Variants in PACRG observed in about 807,000 individuals in gnomAD.
PACRG encodes the protein parkin coregulated gene protein.
In PACRG, 29 loss-of-function variants were observed where a neutral mutation model predicts 29.7. That is an observed-to-expected ratio of 0.98 (90% CI 0.73 to 1.33). The LOEUF (loss-of-function observed/expected upper bound fraction) is 1.33, where lower values mean the gene tolerates loss of function less well. PACRG is among the 40% of genes most tolerant of loss of function. PACRG has a pLI of 0.00. For missense variants in PACRG, 279 were observed against 316.2 expected, an observed-to-expected ratio of 0.88 and a Z score of 0.89; for synonymous variants, 116 against 118.7, an observed-to-expected ratio of 0.98 and a Z score of 0.15.
chr6:162,801,403 C>G (rs1785855953), intron 1 of PACRG, among the ~76,000 whole-genome samples: 1 of 152,070 alleles, frequency 6.6e-6, no homozygotes, highest in Non-Finnish European at 1.5e-5. Context: ...GCCACCATGC[C>G]TGGCTAATTT....
intron 4 of PACRG, among the ~76,000 whole-genome samples, chr6:163,123,392 G>T (rs974092669): frequency 6.6e-6 from 1 of 152,222 alleles, no homozygotes; most frequent in African/African-American, 2.4e-5. Flanking sequence ...AATGTTGCCA[G>T]CCTGGTTTTT....
intron 2 of PACRG, among the ~76,000 whole-genome samples, chr6:162,949,743 T>C (rs1038929444): frequency 3.5e-4 from 54 of 152,332 alleles, no homozygotes; most frequent in African/African-American, 1.3e-3. Context: ...TTGGAGGCTG[T>C]GATTTAAGTT....
intron 1 of PACRG, among the ~76,000 whole-genome samples, chr6:162,792,714 G>A (rs1785057360): frequency 6.6e-6 from 1 of 152,174 alleles, no homozygotes; most frequent in Non-Finnish European, 1.5e-5. Context: ...TTCTGTTAGA[G>A]CAAGAAGAGG....
chr6:162,727,746 G>C (rs765761156), upstream of PACRG: 4 of 1,445,302 alleles, frequency 2.8e-6, no homozygotes, highest in African/African-American at 2.8e-5. Flanking sequence ...TCCCACCAGC[G>C]GCTCTCCTGG....
At chr6:162,880,564 A>G (rs1246468238) in intron 2 of PACRG, among the ~76,000 whole-genome samples, 2 of 152,346 alleles carry the variant, frequency 1.3e-5, no homozygotes, top group East Asian at 3.9e-4. Context: ...ATTTGTGAAC[A>G]AAAATAGAAA....
In PACRG at chr6:163,062,323, T is replaced by A; in HGVS notation, c.463+2T>A. 1 of 1,606,552 alleles carries A rather than the reference T, an allele frequency of 6.2e-7. No individual in the cohort carries two copies. The highest frequency in any genetic ancestry group is 8.5e-7 in the Non-Finnish European group (1 of 1,177,362). ...CACAGCTCATTATCCCGATAAAAAG[T>A]AAGTGAACCGGTGAAAAAGCATCAC... On this transcript the variant is annotated splice_donor_variant, in intron 3 of 4. Transcript: ENST00000366888. LOFTEE classifies it high-confidence loss of function.
intron 4 of PACRG, among the ~76,000 whole-genome samples, chr6:163,218,621 C>T (rs993597693): frequency 6.6e-6 from 1 of 152,140 alleles, no homozygotes; most frequent in Non-Finnish European, 1.5e-5. Flanking sequence ...TGTTCTTTGT[C>T]CTCCTCTTAC....
At chr6:162,730,436 C>G (rs1199579126) in intron 1 of PACRG, among the ~76,000 whole-genome samples, 2 of 152,134 alleles carry the variant, frequency 1.3e-5, no homozygotes, top group Non-Finnish European at 2.9e-5. Flanking sequence ...CTCCAAACCA[C>G]TTTTCCAGTT....
intron 4 of PACRG, among the ~76,000 whole-genome samples, chr6:163,177,710 A>AGTTTTTTTTTTTT (rs1779440417): frequency 1.9e-5 from 1 of 53,744 alleles, no homozygotes; most frequent in Non-Finnish European, 3.1e-5. Context: ...TAGAAAAGGG[A>AGTTTTTTTTTTTT]TTTTTTTTTT....
intron 4 of PACRG, among the ~76,000 whole-genome samples, chr6:163,157,711 T>C (rs1321705778): frequency 1.3e-5 from 2 of 152,176 alleles, no homozygotes; most frequent in African/African-American, 4.8e-5. Flanking sequence ...AATGTTTCAC[T>C]TTACTACACC....
intron 4 of PACRG, among the ~76,000 whole-genome samples, chr6:163,097,236 T>C (rs59566638): frequency 0.043 from 6,476 of 152,278 alleles, 412 homozygotes; most frequent in African/African-American, 0.13. Context: ...CCAAGTTTCC[T>C]CTGGACATCC....
intron 2 of PACRG, among the ~76,000 whole-genome samples, chr6:162,937,879 A>G (rs1468428312): frequency 6.6e-6 from 1 of 151,240 alleles, no homozygotes; most frequent in African/African-American, 2.4e-5. Flanking sequence ...TTTGGGGTTT[A>G]TTTGCAGTCA....
chr6:163,116,220 C>T (rs908929338), intron 4 of PACRG, among the ~76,000 whole-genome samples: 27 of 152,228 alleles, frequency 1.8e-4, no homozygotes, highest in African/African-American at 5.5e-4. Flanking sequence ...TGGCAAAAGG[C>T]GAAGGAGAAG....
chr6:163,210,078 G>A (rs768307521), intron 4 of PACRG, among the ~76,000 whole-genome samples: 7 of 152,152 alleles, frequency 4.6e-5, no homozygotes, highest in East Asian at 3.9e-4. Flanking sequence ...ATTGTCACCC[G>A]TCATGCTCAT....
intron 3 of PACRG, among the ~76,000 whole-genome samples, chr6:163,071,952 A>G (rs1812096371): frequency 1.3e-5 from 2 of 152,084 alleles, no homozygotes; most frequent in South Asian, 2.1e-4. Context: ...GTCTCCCAGC[A>G]AAGAAAATCC....
intron 1 of PACRG, among the ~76,000 whole-genome samples, chr6:162,743,927 G>A (rs1780791081): frequency 6.6e-6 from 1 of 152,094 alleles, no homozygotes; most frequent in East Asian, 1.9e-4. Flanking sequence ...GCCTATTCTA[G>A]ACATTTGTCT....
At chr6:163,238,413 T>G (rs1782332747) in intron 4 of PACRG, among the ~76,000 whole-genome samples, 1 of 152,212 alleles carries the variant, frequency 6.6e-6, no homozygotes, top group South Asian at 2.1e-4. Flanking sequence ...GGTGTTAGAT[T>G]GAGTCTATAA....
chr6:163,240,115 G>A (rs1004107198), intron 4 of PACRG, among the ~76,000 whole-genome samples: 4 of 151,628 alleles, frequency 2.6e-5, no homozygotes, highest in East Asian at 1.9e-4. Flanking sequence ...ACGCTGGCTC[G>A]CGCACATGCT....
At chr6:162,975,368 A>G (rs1801862985) in intron 2 of PACRG, among the ~76,000 whole-genome samples, 1 of 152,230 alleles carries the variant, frequency 6.6e-6, no homozygotes, top group Non-Finnish European at 1.5e-5. Context: ...AATCAAAAAC[A>G]TGTCTTAAAA....
Sources: allele counts gnomAD v4.1 joint callset (sites outside exome capture counted in the v4.1 genomes callset), GRCh38; gene constraint gnomAD v4.1.1; transcripts MANE v1.5; gene names NCBI Gene and HGNC (gene_info 2026-07-23, HGNC 2026-07-21).